Variants in TERT observed in about 807,000 individuals in gnomAD.
TERT encodes the protein telomerase catalytic subunit.
TERT carries 42 observed loss-of-function variants against 104.0 expected under a neutral mutation model. The observed-to-expected ratio is 0.40, with a 90% CI of 0.32 to 0.52. The LOEUF (loss-of-function observed/expected upper bound fraction) is 0.52, where lower values mean the gene tolerates loss of function less well. Among genes scored for constraint, TERT ranks in the 20% least tolerant of loss-of-function variants. The pLI, the probability that TERT is intolerant of heterozygous loss-of-function variation, is 0.43. For synonymous variants in TERT, 781 were observed against 725.6 expected, an observed-to-expected ratio of 1.08 and a Z score of -1.23; for missense variants, 1,101 against 1,610.3, an observed-to-expected ratio of 0.68 and a Z score of 5.41.
chr5:1,264,743 C>T, intron 10 of TERT, 151 bp from the exon 11 acceptor site: 3 of 881,958 alleles, frequency 3.4e-6, no homozygotes, highest in Non-Finnish European at 5.3e-6. Context: ...GAGCCTGGAC[C>T]CAGCCCTGCT....
Position 1,264,742 on chromosome 5 carries a change from C to A in TERT, c.2655-150G>T, listed in dbSNP as rs559990578. 129 of 879,634 alleles carry A rather than the reference C, an allele frequency of 1.5e-4. 1 individual carries two copies. The South Asian group carries it at 2.0e-3, about 14-fold the overall frequency. The allele number at this position is 879,634 out of a possible 1,614,324, so 54.5% of individuals were successfully genotyped here. Reference sequence around the variant, plus strand: ...TGGCAGGAGCTCTGAGGAGCCTGGACCCAGCCCTGCTCCAGACTTCGGGGT... The same window carrying A: ...TGGCAGGAGCTCTGAGGAGCCTGGAACCAGCCCTGCTCCAGACTTCGGGGT... On this transcript the variant is annotated intron_variant, in intron 10 of 15. Transcript: ENST00000310581.
At chr5:1,282,308 G>T in intron 3 of TERT, 121 bp downstream of exon 3, 2 of 1,106,846 alleles carry the variant, frequency 1.8e-6, no homozygotes, top group Non-Finnish European at 1.4e-6. Flanking sequence ...CGGGGCCCCT[G>T]GCTCCCAGCC....
chr5:1,261,706 G>A lies in TERT; in HGVS notation c.2844-1106C>T, dbSNP rs1748242345. Among the ~76,000 whole-genome samples, 1 of 152,140 alleles carries A rather than the reference G, an allele frequency of 6.6e-6. No homozygotes were observed. The highest frequency in any genetic ancestry group is 2.1e-4 in the South Asian group (1 of 4,822). On this transcript the variant is annotated intron_variant, in intron 11 of 15. Transcript: ENST00000310581. The surrounding 1 kb of genome is among the most constrained non-coding windows in gnomAD (Gnocchi z 7.4). ...GGACCTTCCCAAGTGTGCATCAGAC[G>A]TCCATTTCTTCTTTCACAGCCATCC...
At chr5:1,271,763 C>T (rs34297995) in intron 7 of TERT, among the ~76,000 whole-genome samples, 11 of 152,286 alleles carry the variant, frequency 7.2e-5, no homozygotes, top group South Asian at 2.1e-4. Flanking sequence ...AAACACGGCC[C>T]GTCCTCCTAA....
chr5:1,294,702 C>T, intron 1 of TERT, 36 bp from the exon 2 acceptor site: 2 of 1,581,882 alleles, frequency 1.3e-6, no homozygotes, highest in Non-Finnish European at 1.7e-6. Flanking sequence ...CTGCGCTGCT[C>T]TCCGCATGTC....
In TERT at chr5:1,294,404, A is replaced by G; in HGVS notation, c.482T>C (p.Leu161Pro). Residue 161 changes from leucine (L) to proline (P), a missense_variant, in exon 2 of 16, where the codon CTG becomes CCG. Around this residue, in one of 5 missense-constraint regions of TERT, gnomAD observed 47 missense variants for 105.3 expected, o/e 0.45. Coordinates refer to ENST00000310581, the MANE Select transcript of TERT (RefSeq NM_198253.3). ...CTGGTAGGCGCAGCTGGGAGCCACC[A>G]GCACAAAGAGCGCGCAGCGTGCCAG... ...HLLARCALFV[L>P]VAPSCAYQVC... 6.3e-7 allele frequency: 1 copy of G among 1,587,346 alleles called. No individual in the cohort carries two copies. Among genetic ancestry groups the G allele is most frequent in the Non-Finnish European group, 8.5e-7 (1 of 1,174,768 alleles).
intron 11 of TERT, 123 bp from the exon 12 acceptor site, chr5:1,260,723 C>A: frequency 7.0e-7 from 1 of 1,420,884 alleles, no homozygotes; most frequent in Non-Finnish European, 9.6e-7. Flanking sequence ...GGGGCATGCG[C>A]TGCAGCCCGA....
rs181360191 is a variant in TERT, at chr5:1,265,775, A to G, written c.2654+689T>C. On this transcript the variant is annotated intron_variant, in intron 10 of 15. Transcript: ENST00000310581. The surrounding 1 kb of genome is among the most constrained non-coding windows in gnomAD (Gnocchi z 6.9). ...CTGAGGGTTCCCTTTACAGCTTTCAAGGTTTCTCGTCCCTCGTCAAATCGC... is the reference window on the plus strand; with the variant it reads ...CTGAGGGTTCCCTTTACAGCTTTCAGGGTTTCTCGTCCCTCGTCAAATCGC... Among the ~76,000 whole-genome samples the G allele has an allele frequency of 6.6e-5, 10 of 152,198 alleles. No individual in the cohort carries two copies. Among genetic ancestry groups the G allele is most frequent in the African/African-American group, 2.2e-4 (9 of 41,528 alleles).
chr5:1,292,009 C>G lies in TERT; in HGVS notation c.1573+1304G>C, dbSNP rs1751023805. Reference sequence around the variant, plus strand: ...GGTAGGGACTTCCAGTCACGCAAGACGCAGCATTTCAAGCAACCTGCTGTA... The same window carrying G: ...GGTAGGGACTTCCAGTCACGCAAGAGGCAGCATTTCAAGCAACCTGCTGTA... On this transcript the variant is annotated intron_variant, in intron 2 of 15. Transcript: ENST00000310581. The surrounding 1 kb of genome is among the most constrained non-coding windows in gnomAD (Gnocchi z 5.5). Among the ~76,000 whole-genome samples the G allele has an allele frequency of 6.6e-6, 1 of 152,304 alleles. No homozygotes were observed. Among genetic ancestry groups the G allele is most frequent in the South Asian group, 2.1e-4 (1 of 4,828 alleles).
Position 1,255,055 on chromosome 5 carries a change from G to A in TERT, c.3157+232C>T, listed in dbSNP as rs956890474. Among the ~76,000 whole-genome samples the A allele has an allele frequency of 3.3e-5, 5 of 152,236 alleles. No homozygotes were observed. Among genetic ancestry groups the A allele is most frequent in the Admixed American group, 6.5e-5 (1 of 15,294 alleles). ...ACCAGGCCCCCCAGCGCTTCCCCAG[G>A]CAGAGCAAGGTGGGAAGGATGGCAG... On this transcript the variant is annotated intron_variant, in intron 14 of 15. Transcript: ENST00000310581. This position sits in a 1 kb window ranked among gnomAD's most constrained non-coding sequence, Gnocchi z 6.9.
chr5:1,281,204 G>A (rs141670428), intron 3 of TERT, among the ~76,000 whole-genome samples: 7 of 152,338 alleles, frequency 4.6e-5, no homozygotes, highest in South Asian at 2.1e-4. Context: ...CATTAAATAC[G>A]TGTAAAGTCT....
In TERT at chr5:1,255,417, A is replaced by G. The variant is rs1308468823; in HGVS notation, c.3033-6T>C. ...GCAGCACACATGCGTGAAACCTGAG[A>G]GGATGGCGGACAGCGTCAGAGGAAA... On this transcript the variant is annotated splice_polypyrimidine_tract_variant and splice_region_variant and intron_variant, in intron 13 of 15. Transcript: ENST00000310581. The surrounding 1 kb of genome is among the most constrained non-coding windows in gnomAD (Gnocchi z 6.9). 3.1e-6 allele frequency: 5 copies of G among 1,614,012 alleles called. No individual in the cohort carries two copies. The highest frequency in any genetic ancestry group is 4.2e-6 in the Non-Finnish European group (5 of 1,180,016).
chr5:1,253,535 A>G lies in TERT; in HGVS notation c.*193T>C. On this transcript the variant is annotated 3_prime_UTR_variant, in exon 16 of 16. Transcript: ENST00000310581. Reference sequence around the variant, plus strand: ...TGCTGGACACTCAGCCCTTGGCTGGACACTCGCTCAGGCCTCAGCCGGACA... The same window carrying G: ...TGCTGGACACTCAGCCCTTGGCTGGGCACTCGCTCAGGCCTCAGCCGGACA... 1.6e-6 allele frequency: 1 copy of G among 619,396 alleles called. No homozygotes were observed. Among genetic ancestry groups the G allele is most frequent in the Non-Finnish European group, 2.9e-6 (1 of 345,776 alleles). 38.4% of individuals were successfully genotyped at this position (619,396 alleles called of 1,614,324 possible). A position where few individuals can be genotyped will look rare whatever the true frequency, so the allele number is the denominator to read the frequency against.
At chr5:1,258,528 C>A in intron 13 of TERT, 70 bp downstream of exon 13, 1 of 1,421,320 alleles carries the variant, frequency 7.0e-7, no homozygotes, top group African/African-American at 1.4e-5. Flanking sequence ...AGGTGAAGCC[C>A]CGGGTCAGAG....
chr5:1,266,877 C>T (rs1234729973), intron 9 of TERT, among the ~76,000 whole-genome samples: 1 of 152,162 alleles, frequency 6.6e-6, no homozygotes, highest in East Asian at 1.9e-4. Context: ...GGAACCTCGC[C>T]CCCTCTGAGC....
chr5:1,273,767 CCA>C (rs1317677140), intron 6 of TERT, among the ~76,000 whole-genome samples: 2 of 57,036 alleles, frequency 3.5e-5, no homozygotes, highest in Admixed American at 2.1e-4. Flanking sequence ...TCCACAGTCA[CCA>C]CACATCAGAC....
At position 1,293,499 on chromosome 5, in the gene TERT, C is replaced by T. The variant is rs1751127777; in HGVS notation, c.1387G>A (p.Gly463Ser). Residue 463 changes from glycine (G) to serine (S), a missense_variant, in exon 2 of 16, where the codon GGC becomes AGC. By Grantham distance (56) the Gly-to-Ser change is moderately conservative. Around this residue, in one of 5 missense-constraint regions of TERT, gnomAD observed 504 missense variants for 544.6 expected, o/e 0.93. Coordinates refer to ENST00000310581, the MANE Select transcript of TERT (RefSeq NM_198253.3). ...RQHSSPWQVY[G>S]FVRACLRRLV... Reference sequence around the variant, plus strand: ...CGGCGCAGGCAGGCCCGCACGAAGCCGTACACCTGCCAGGGGCTGCTGTGC... The same window carrying T: ...CGGCGCAGGCAGGCCCGCACGAAGCTGTACACCTGCCAGGGGCTGCTGTGC... 7 of 1,582,670 alleles carry T rather than the reference C, an allele frequency of 4.4e-6. No individual in the cohort carries two copies. The highest frequency in any genetic ancestry group is 6.0e-6 in the Non-Finnish European group (7 of 1,165,206).
At chr5:1,264,131 C>T (rs778442734) in intron 11 of TERT, 4 of 519,312 alleles carry the variant, frequency 7.7e-6, no homozygotes, top group Non-Finnish European at 1.4e-5. Context: ...ATCCAGACTG[C>T]TTTCTGAAGA....
chr5:1,287,511 ATAT>A lies in TERT; in HGVS notation c.1574-4890_1574-4888del, dbSNP rs1750571204. ...AGACTCTGTCTCAAAAAAAAAAAAT[ATAT>A]ATATATATATATAAATTAAAGGCAG... On this transcript the variant is annotated intron_variant, in intron 2 of 15. Coordinates refer to ENST00000310581, the MANE Select transcript of TERT (RefSeq NM_198253.3). This position sits in a 1 kb window ranked among gnomAD's most constrained non-coding sequence, Gnocchi z 4.3. Among the ~76,000 whole-genome samples the A allele has an allele frequency of 2.5e-5, 2 of 80,144 alleles. No individual in the cohort carries two copies. Among genetic ancestry groups the A allele is most frequent in the South Asian group, 3.7e-4 (1 of 2,732 alleles). 52.6% of individuals were successfully genotyped at this position (80,144 alleles called of 152,430 possible).
Sources: allele counts gnomAD v4.1 joint callset (sites outside exome capture counted in the v4.1 genomes callset), GRCh38; gene constraint gnomAD v4.1.1; regional missense constraint gnomAD v4.1.1; non-coding constraint Gnocchi (gnomAD v3.1); transcripts MANE v1.5; gene names NCBI Gene and HGNC (gene_info 2026-07-23, HGNC 2026-07-21).